Variants in OR51B5 observed in about 807,000 individuals in gnomAD.
OR51B5 encodes olfactory receptor family 51 subfamily B member 5, also known as olfactory receptor 51B5.
For synonymous variants in OR51B5, 186 were observed against 144.8 expected (o/e 1.28, Z -2.04); for missense variants, 456 against 374.6 (o/e 1.22, Z -1.79).
intron 1 of OR51B5, among the ~76,000 whole-genome samples, chr11:5,473,534 TGA>T (rs1468177774): frequency 6.6e-6 from 1 of 152,226 alleles, no homozygotes. Flanking sequence ...AGAGTTAATG[TGA>T]GAACAATATT....
intron 1 of OR51B5, among the ~76,000 whole-genome samples, chr11:5,387,887 C>G (rs1460585035): frequency 6.6e-6 from 1 of 151,106 alleles, no homozygotes; most frequent in Non-Finnish European, 1.5e-5. Context: ...ATTACATTAC[C>G]TTGCATTGCA....
intron 1 of OR51B5, among the ~76,000 whole-genome samples, chr11:5,412,643 T>C (rs903914735): frequency 3.3e-5 from 5 of 152,226 alleles, no homozygotes; most frequent in African/African-American, 9.6e-5. Context: ...GATTATATCC[T>C]GCACATGGCT....
At chr11:5,380,513 AGAGTCTGTTGT>A (rs1490617442) in intron 1 of OR51B5, among the ~76,000 whole-genome samples, 1 of 152,146 alleles carries the variant, frequency 6.6e-6, no homozygotes, top group East Asian at 1.9e-4. Context: ...ACACCTAAAA[AGAGTCTGTTGT>A]GAGTCTGGAG....
At chr11:5,393,476 T>C (rs1455771878) in intron 1 of OR51B5, among the ~76,000 whole-genome samples, 1 of 152,132 alleles carries the variant, frequency 6.6e-6, no homozygotes, top group Non-Finnish European at 1.5e-5. Flanking sequence ...TATAATCTTA[T>C]TTTCTATATA....
intron 1 of OR51B5, among the ~76,000 whole-genome samples, chr11:5,450,388 CAAAT>C (rs936704986): frequency 6.6e-6 from 1 of 151,832 alleles, no homozygotes; most frequent in African/African-American, 2.4e-5. Context: ...GACTCAGTCT[CAAAT>C]AAATAAATGA....
At chr11:5,455,018 A>C (rs1330752228) in intron 1 of OR51B5, 1 of 152,336 alleles carries the variant, frequency 6.6e-6, no homozygotes, top group Admixed American at 6.5e-5. Flanking sequence ...ACACTCATAC[A>C]TTGCTTTAAC....
rs141346447 is a variant in OR51B5 at position 5,350,898 on chromosome 11, A to G, written n.85-3988T>C. Reference sequence around the variant, plus strand: ...CCCAAAAGTCTCTGGAGCTTCATCAATTGAATTTTCCCTCCAGGAATATTG... The same window carrying G: ...CCCAAAAGTCTCTGGAGCTTCATCAGTTGAATTTTCCCTCCAGGAATATTG... On this transcript the variant is annotated intron_variant and non_coding_transcript_variant, in intron 1 of 4. Transcript: ENST00000415970. 6.9e-3 allele frequency among the ~76,000 whole-genome samples: 1,052 copies of G among 152,308 alleles called. 11 individuals are homozygous for G. Among genetic ancestry groups the G allele is most frequent in the African/African-American group, 0.024 (994 of 41,572 alleles).
upstream of OR51B5, among the ~76,000 whole-genome samples, chr11:5,344,175 A>T (rs1486065532): frequency 6.6e-6 from 1 of 152,170 alleles, no homozygotes; most frequent in East Asian, 1.9e-4. Flanking sequence ...CTCTTGTAGA[A>T]TCCTTCAGTA....
chr11:5,389,802 T>C, intron 1 of OR51B5: 1 of 1,613,976 alleles, frequency 6.2e-7, no homozygotes. Flanking sequence ...TTTGACCGCC[T>C]TGTGGCCATC....
At position 5,367,471 on chromosome 11, in the gene OR51B5, A is replaced by G. The variant is rs1849387484; in HGVS notation, n.85-20561T>C. Among the ~76,000 whole-genome samples the G allele has an allele frequency of 2.0e-5, 3 of 152,198 alleles. No individual in the cohort carries two copies. In the South Asian group the frequency reaches 6.2e-4, roughly 32 times the overall value. On this transcript the variant is annotated intron_variant and non_coding_transcript_variant, in intron 1 of 4. Transcript: ENST00000415970. Reference sequence around the variant, plus strand: ...CATGCCTCCCCTTTTCAGACCGCTTAGCGTAACTTCCTGATGTTGCCATGG... The same window carrying G: ...CATGCCTCCCCTTTTCAGACCGCTTGGCGTAACTTCCTGATGTTGCCATGG...
chr11:5,465,416 C>G (rs1482969273), intron 1 of OR51B5, among the ~76,000 whole-genome samples: 1 of 151,976 alleles, frequency 6.6e-6, no homozygotes, highest in Non-Finnish European at 1.5e-5. Flanking sequence ...TGAGAAGTGT[C>G]AAGCTACCAA....
intron 1 of OR51B5, among the ~76,000 whole-genome samples, chr11:5,427,036 T>TC (rs1305540506): frequency 6.6e-6 from 1 of 152,074 alleles, no homozygotes; most frequent in Admixed American, 6.5e-5. Flanking sequence ...TCCCATCACC[T>TC]CCCCCAAAGC....
chr11:5,460,999 G>A (rs1851041524), intron 1 of OR51B5, among the ~76,000 whole-genome samples: 1 of 152,174 alleles, frequency 6.6e-6, no homozygotes, highest in African/African-American at 2.4e-5. Flanking sequence ...CTCTGACAGG[G>A]GCTGCCAGCA....
intron 1 of OR51B5, chr11:5,430,531 G>A (rs2340653): frequency 0.81 from 292,979 of 361,972 alleles, 120,019 homozygotes; most frequent in Non-Finnish European, 0.86. Flanking sequence ...CAAGCCTGTT[G>A]CAATACTTTG....
At chr11:5,374,416 G>C (rs1282829828) in intron 1 of OR51B5, among the ~76,000 whole-genome samples, 1 of 152,146 alleles carries the variant, frequency 6.6e-6, no homozygotes, top group South Asian at 2.1e-4. Flanking sequence ...ACTCTAAAAA[G>C]CAGAGCACCT....
intron 1 of OR51B5, chr11:5,390,583 G>C: frequency 1.9e-6 from 1 of 523,462 alleles, no homozygotes; most frequent in Non-Finnish European, 3.3e-6. Context: ...CTACAGCTGA[G>C]AACTGGCATT....
At chr11:5,421,911 A>T (rs184080591) in intron 1 of OR51B5, among the ~76,000 whole-genome samples, 5 of 152,348 alleles carry the variant, frequency 3.3e-5, no homozygotes, top group African/African-American at 1.2e-4. Flanking sequence ...ATGTGCTGAA[A>T]ACTGAATGGG....
At chr11:5,391,269 C>T (rs1849791632) in intron 1 of OR51B5, 1 of 152,210 alleles carries the variant, frequency 6.6e-6, no homozygotes, top group Non-Finnish European at 1.5e-5. Flanking sequence ...GAAATTGCTT[C>T]CTCAAGGACA....
At chr11:5,497,489 C>T (rs1851666930) in intron 1 of OR51B5, among the ~76,000 whole-genome samples, 1 of 152,142 alleles carries the variant, frequency 6.6e-6, no homozygotes, top group African/African-American at 2.4e-5. Context: ...GACCCCCAGG[C>T]TCTCTAAGGT....
Sources: allele counts gnomAD v4.1 joint callset (sites outside exome capture counted in the v4.1 genomes callset), GRCh38; gene constraint gnomAD v4.1.1; transcripts MANE v1.5; gene names NCBI Gene and HGNC (gene_info 2026-07-23, HGNC 2026-07-21).